FARP1: variants seen among roughly 807,000 people sequenced by gnomAD.
FARP1 encodes the protein FERM, ARHGEF and pleckstrin domain-containing protein 1.
A neutral mutation model predicts 128.8 loss-of-function variants in FARP1; 52 were observed. The observed-to-expected ratio is 0.40, with a 90% CI of 0.32 to 0.51. The LOEUF (loss-of-function observed/expected upper bound fraction) is 0.51. Among genes scored for constraint, FARP1 ranks in the 20% least tolerant of loss-of-function variants. The pLI is 0.45. For missense variants in FARP1, 1,333 were observed against 1,367.9 expected, an observed-to-expected ratio of 0.97 and a Z score of 0.40; for synonymous variants, 580 against 551.8, an observed-to-expected ratio of 1.05 and a Z score of -0.72.
intron 2 of FARP1, among the ~76,000 whole-genome samples, chr13:98,326,724 TAA>T (rs200040117): frequency 0.023 from 3,539 of 152,340 alleles, 98 homozygotes; most frequent in Admixed American, 0.053. Context: ...TAGAATATGT[TAA>T]AGTCATCTCA....
chr13:98,339,388 A>AT (rs1263879765), intron 2 of FARP1, among the ~76,000 whole-genome samples: 1 of 152,214 alleles, frequency 6.6e-6, no homozygotes, highest in African/African-American at 2.4e-5. Flanking sequence ...TCAGGAGAAC[A>AT]GCAAGGGGGA....
intron 2 of FARP1, among the ~76,000 whole-genome samples, chr13:98,304,548 G>C (rs1291859581): frequency 1.3e-5 from 2 of 152,184 alleles, no homozygotes; most frequent in Non-Finnish European, 2.9e-5. Flanking sequence ...GAGCGGTACA[G>C]GCCTGGAGCC....
At chr13:98,440,955 C>A (rs1459154729) in intron 24 of FARP1, 119 bp downstream of exon 24, 6 of 1,001,282 alleles carry the variant, frequency 6.0e-6, no homozygotes, top group East Asian at 5.2e-5. Flanking sequence ...CACCTACCCG[C>A]GGTGGCTGAG....
intron 24 of FARP1, among the ~76,000 whole-genome samples, chr13:98,442,044 A>C (rs1892544992): frequency 6.6e-6 from 1 of 152,218 alleles, no homozygotes; most frequent in Non-Finnish European, 1.5e-5. Context: ...TGGCAGTGGA[A>C]GCTGCCCTGA....
intron 1 of FARP1, among the ~76,000 whole-genome samples, chr13:98,193,214 C>T (rs1386043136): frequency 6.6e-6 from 1 of 152,126 alleles, no homozygotes; most frequent in African/African-American, 2.4e-5. Flanking sequence ...TGCACCACCA[C>T]GCCTGGCTAA....
intron 13 of FARP1, chr13:98,403,082 A>C (rs1272576592): frequency 2.3e-5 from 2 of 87,828 alleles, no homozygotes; most frequent in Non-Finnish European, 4.5e-5. Flanking sequence ...GCACTGTCTG[A>C]TGTCTTTTTT....
At chr13:98,299,586 T>G (rs1402190688) in intron 2 of FARP1, among the ~76,000 whole-genome samples, 3 of 152,236 alleles carry the variant, frequency 2.0e-5, no homozygotes, top group African/African-American at 7.2e-5. Context: ...AAAATATTAG[T>G]AAAGATACAG....
intron 1 of FARP1, among the ~76,000 whole-genome samples, chr13:98,151,747 C>G (rs1478845542): frequency 7.3e-6 from 1 of 136,688 alleles, no homozygotes; most frequent in African/African-American, 2.6e-5. Context: ...CTGCAACCTC[C>G]GCCTCCCGGG....
intron 1 of FARP1, among the ~76,000 whole-genome samples, chr13:98,195,915 A>G (rs1266902371): frequency 6.6e-6 from 1 of 151,978 alleles, no homozygotes; most frequent in Non-Finnish European, 1.5e-5. Flanking sequence ...GGTCCCAGCT[A>G]CTCAGGAGGC....
chr13:98,440,366 C>T (rs1006379452), intron 23 of FARP1, 131 bp downstream of exon 23: 1 of 712,172 alleles, frequency 1.4e-6, no homozygotes, highest in South Asian at 1.7e-5. Flanking sequence ...AGCCAAAGAT[C>T]AAGACAGTTC....
At chr13:98,218,209 C>T (rs1239128046) in intron 2 of FARP1, among the ~76,000 whole-genome samples, 4 of 152,052 alleles carry the variant, frequency 2.6e-5, no homozygotes, top group South Asian at 2.1e-4. Flanking sequence ...ATCCTCACCC[C>T]GAACACATTG....
chr13:98,391,097 A>C (rs1341839768), intron 11 of FARP1, among the ~76,000 whole-genome samples: 1 of 152,134 alleles, frequency 6.6e-6, no homozygotes, highest in Non-Finnish European at 1.5e-5. Flanking sequence ...ACAGACAGAA[A>C]GGACTAGGGG....
chr13:98,244,877 G>A (rs1882976714), intron 2 of FARP1: 2 of 1,435,114 alleles, frequency 1.4e-6, no homozygotes, highest in South Asian at 1.5e-5. Context: ...GCTGCATACA[G>A]AGGGGCCCAT....
intron 1 of FARP1, among the ~76,000 whole-genome samples, chr13:98,163,748 G>A (rs1336727169): frequency 3.4e-5 from 5 of 146,536 alleles, no homozygotes; most frequent in East Asian, 4.0e-4. Flanking sequence ...CGCTCTTGTC[G>A]CCCAGGCTGG....
chr13:98,193,539 G>C (rs1265973935), intron 1 of FARP1, among the ~76,000 whole-genome samples: 1 of 152,200 alleles, frequency 6.6e-6, no homozygotes, highest in Non-Finnish European at 1.5e-5. Context: ...TCCAAAAATA[G>C]GGCTTGCATG....
intron 2 of FARP1, among the ~76,000 whole-genome samples, chr13:98,225,928 T>C (rs961907698): frequency 4.6e-5 from 7 of 152,326 alleles, no homozygotes; most frequent in South Asian, 2.1e-4. Context: ...ACATGCACTC[T>C]TGGGGAGGTC....
chr13:98,336,806 G>A (rs750418877), intron 2 of FARP1, among the ~76,000 whole-genome samples: 2 of 152,182 alleles, frequency 1.3e-5, no homozygotes, highest in African/African-American at 4.8e-5. Flanking sequence ...TGGTTGGTGC[G>A]CTAGATTAAA....
intron 2 of FARP1, among the ~76,000 whole-genome samples, chr13:98,280,149 A>G (rs1307982633): frequency 2.0e-5 from 3 of 152,082 alleles, no homozygotes; most frequent in Non-Finnish European, 4.4e-5. Flanking sequence ...TTTTGAGGAA[A>G]TCCTTCTTTA....
At chr13:98,201,003 G>A (rs2139269073) in intron 1 of FARP1, among the ~76,000 whole-genome samples, 1 of 152,222 alleles carries the variant, frequency 6.6e-6, no homozygotes, top group South Asian at 2.1e-4. Context: ...AGGGTAATTG[G>A]GATAGCCATT....
Sources: allele counts gnomAD v4.1 joint callset (sites outside exome capture counted in the v4.1 genomes callset), GRCh38; gene constraint gnomAD v4.1.1; transcripts MANE v1.5; gene names NCBI Gene and HGNC (gene_info 2026-07-23, HGNC 2026-07-21).